TMEM150C: variants seen among roughly 807,000 people sequenced by gnomAD.
TMEM150C encodes the protein tentonin 3.
A neutral mutation model predicts 29.9 loss-of-function variants in TMEM150C; 10 were observed. The observed-to-expected ratio is 0.33, with a 90% CI of 0.21 to 0.57. The LOEUF (loss-of-function observed/expected upper bound fraction) is 0.57. Ranked by LOEUF, TMEM150C falls within the 20% of genes least tolerant of loss-of-function variation. The pLI, the probability that TMEM150C is intolerant of heterozygous loss-of-function variation, is 0.88. For synonymous variants in TMEM150C, 101 were observed against 112.5 expected (o/e 0.90, Z 0.64); for missense variants, 251 against 303.6 (o/e 0.83, Z 1.29).
intron 1 of TMEM150C, among the ~76,000 whole-genome samples, chr4:82,524,870 G>C (rs770182153): frequency 6.6e-6 from 1 of 152,218 alleles, no homozygotes; most frequent in Non-Finnish European, 1.5e-5. Flanking sequence ...AATTCACCAA[G>C]TAGATAAAGC....
intron 1 of TMEM150C, among the ~76,000 whole-genome samples, chr4:82,505,009 G>A (rs967669056): frequency 1.3e-5 from 2 of 152,072 alleles, no homozygotes; most frequent in Non-Finnish European, 2.9e-5. Context: ...CAGCCTGGGC[G>A]TCAGAGCGAG....
intron 1 of TMEM150C, among the ~76,000 whole-genome samples, chr4:82,552,713 G>A (rs1725621116): frequency 2.0e-5 from 3 of 152,322 alleles, no homozygotes; most frequent in African/African-American, 7.2e-5. Context: ...GGGTGCCGCT[G>A]GAATTGTAGA....
chr4:82,555,969 T>A (rs77685031), intron 1 of TMEM150C, among the ~76,000 whole-genome samples: 3,710 of 152,320 alleles, frequency 0.024, 145 homozygotes, highest in African/African-American at 0.084. Flanking sequence ...TATACACATA[T>A]ACACTTATGT....
chr4:82,507,126 C>T (rs1003363893), intron 1 of TMEM150C, among the ~76,000 whole-genome samples: 3 of 152,120 alleles, frequency 2.0e-5, no homozygotes, highest in Admixed American at 6.5e-5. Flanking sequence ...AGTGGCAGTA[C>T]CTTGGAGGTT....
chr4:82,521,660 A>G (rs1252764968), intron 1 of TMEM150C, among the ~76,000 whole-genome samples: 1 of 152,236 alleles, frequency 6.6e-6, no homozygotes, highest in African/African-American at 2.4e-5. Context: ...GCTATCAGCA[A>G]GAGTATCTTG....
intron 6 of TMEM150C, chr4:82,495,744 G>T: frequency 5.9e-6 from 2 of 339,804 alleles, no homozygotes; most frequent in South Asian, 6.6e-5. Flanking sequence ...CACTGATTCG[G>T]ACCACATAAC....
intron 1 of TMEM150C, among the ~76,000 whole-genome samples, chr4:82,539,610 G>A (rs898654043): frequency 5.9e-5 from 9 of 151,988 alleles, no homozygotes; most frequent in South Asian, 2.1e-4. Flanking sequence ...CCGCCACCAC[G>A]CCCGGCTAAT....
At chr4:82,547,994 C>T (rs968304172) in intron 1 of TMEM150C, among the ~76,000 whole-genome samples, 3 of 152,182 alleles carry the variant, frequency 2.0e-5, no homozygotes, top group African/African-American at 7.2e-5. Flanking sequence ...AAATGTGGTA[C>T]ATATACACCA....
chr4:82,511,007 C>A lies in TMEM150C; in HGVS notation c.-10-6340G>T, dbSNP rs150862063. Among the ~76,000 whole-genome samples, 435 of 152,206 alleles carry A rather than the reference C, an allele frequency of 2.9e-3. 2 individuals carry two copies. Among genetic ancestry groups the A allele is most frequent in the Non-Finnish European group, 5.3e-3 (363 of 68,006 alleles). On this transcript the variant is annotated intron_variant, in intron 1 of 7. Coordinates refer to ENST00000449862, the MANE Select transcript of TMEM150C (RefSeq NM_001080506.3). ...TTCCCCTAAAATGTTTGCAGGCTCT[C>A]GGATATAAATCAGCCTGGGGAGATA...
intron 6 of TMEM150C, chr4:82,491,603 C>A (rs1456029622): frequency 1.6e-6 from 1 of 615,890 alleles, no homozygotes. Flanking sequence ...CCGGAGCCAC[C>A]TTCTTTACTT....
At chr4:82,561,564 C>A (rs1725929683) in intron 1 of TMEM150C, among the ~76,000 whole-genome samples, 1 of 150,804 alleles carries the variant, frequency 6.6e-6, no homozygotes, top group Non-Finnish European at 1.5e-5. Flanking sequence ...GGGGCCGGGG[C>A]CGGGGCCGCA....
chr4:82,540,249 T>A (rs1338695033), intron 1 of TMEM150C, among the ~76,000 whole-genome samples: 2 of 146,926 alleles, frequency 1.4e-5, no homozygotes, highest in Admixed American at 6.9e-5. Context: ...TAGCTGGGAC[T>A]ACAGGTGCAT....
At chr4:82,541,345 AAT>A (rs1725193771) in intron 1 of TMEM150C, among the ~76,000 whole-genome samples, 1 of 152,042 alleles carries the variant, frequency 6.6e-6, no homozygotes, top group Non-Finnish European at 1.5e-5. Context: ...GAGAGGAGGC[AAT>A]GTTTCATTCA....
intron 1 of TMEM150C, among the ~76,000 whole-genome samples, chr4:82,551,435 A>G (rs1223352648): frequency 6.6e-6 from 1 of 152,222 alleles, no homozygotes; most frequent in Non-Finnish European, 1.5e-5. Context: ...ATTTGAATGA[A>G]TGAGTGAATG....
At chr4:82,498,182 T>G (rs1723617860) in intron 5 of TMEM150C, among the ~76,000 whole-genome samples, 1 of 147,836 alleles carries the variant, frequency 6.8e-6, no homozygotes, top group South Asian at 2.2e-4. Flanking sequence ...ACCCAGCTAA[T>G]TTTTGTATTT....
chr4:82,546,379 A>G (rs1417639331), intron 1 of TMEM150C, among the ~76,000 whole-genome samples: 2 of 152,234 alleles, frequency 1.3e-5, no homozygotes, highest in East Asian at 3.8e-4. Flanking sequence ...TACTGGTACA[A>G]AAACAGACAG....
intron 1 of TMEM150C, among the ~76,000 whole-genome samples, chr4:82,518,881 T>C (rs749921575): frequency 6.6e-6 from 1 of 152,214 alleles, no homozygotes; most frequent in Non-Finnish European, 1.5e-5. Flanking sequence ...CATCAGTTAT[T>C]AGATAGCCTG....
intron 6 of TMEM150C, 114 bp from the exon 7 acceptor site, chr4:82,490,352 G>A: frequency 2.2e-6 from 2 of 914,100 alleles, no homozygotes; most frequent in Non-Finnish European, 3.4e-6. Flanking sequence ...CCCAATAATG[G>A]GATGATAGAT....
intron 7 of TMEM150C, 115 bp downstream of exon 7, chr4:82,489,946 C>A: frequency 9.3e-7 from 1 of 1,077,154 alleles, no homozygotes; most frequent in East Asian, 2.5e-5. Flanking sequence ...TTACCTTTGC[C>A]TTAAGATTCT....
Sources: gnomAD v4.1 joint callset for allele counts (sites outside exome capture counted in the v4.1 genomes callset) on GRCh38, gnomAD v4.1.1 for gene constraint, MANE v1.5 for transcripts, NCBI Gene and HGNC (gene_info 2026-07-23, HGNC 2026-07-21) for gene names.